TIAM1: variants seen among roughly 807,000 people sequenced by gnomAD.
TIAM1 encodes TIAM Rac1 associated GEF 1.
Under a neutral mutation model 163.5 loss-of-function variants are expected in TIAM1, and 65 were observed. The observed-to-expected ratio is 0.40, with a 90% CI of 0.33 to 0.49. The LOEUF is 0.49. Among genes scored for constraint, TIAM1 ranks in the 20% least tolerant of loss-of-function variants. TIAM1 has a pLI of 0.77. For missense variants in TIAM1, 1,789 were observed against 2,044.7 expected, an observed-to-expected ratio of 0.87 and a Z score of 2.41; for synonymous variants, 833 against 810.1, an observed-to-expected ratio of 1.03 and a Z score of -0.48.
intron 25 of TIAM1, 77 bp downstream of exon 25, chr21:31,130,136 A>T: frequency 1.7e-6 from 2 of 1,171,370 alleles, no homozygotes; most frequent in Non-Finnish European, 2.5e-6. Context: ...TTAGACCAAG[A>T]GTGTGGATTC....
At chr21:31,531,508 A>G (rs969673650) in intron 1 of TIAM1, among the ~76,000 whole-genome samples, 2 of 152,332 alleles carry the variant, frequency 1.3e-5, no homozygotes, top group South Asian at 2.1e-4. Context: ...GGCTAAACAC[A>G]TATTTCTCTT....
At chr21:31,153,946 C>A (rs890984450) in intron 17 of TIAM1, among the ~76,000 whole-genome samples, 4 of 151,956 alleles carry the variant, frequency 2.6e-5, no homozygotes, top group African/African-American at 9.7e-5. Flanking sequence ...CACCTGTGGT[C>A]CCAGCTACTC....
intron 2 of TIAM1, among the ~76,000 whole-genome samples, chr21:31,388,399 G>C (rs1486777808): frequency 6.6e-6 from 1 of 152,114 alleles, no homozygotes; most frequent in African/African-American, 2.4e-5. Context: ...CCAACACTTT[G>C]GGAGGCTGAG....
chr21:31,253,033 C>T (rs967022308), intron 4 of TIAM1, among the ~76,000 whole-genome samples: 1 of 152,258 alleles, frequency 6.6e-6, no homozygotes, highest in African/African-American at 2.4e-5. Context: ...TCCAAAGCTG[C>T]TTCTGCTCTG....
intron 12 of TIAM1, among the ~76,000 whole-genome samples, chr21:31,201,456 C>A (rs1255127177): frequency 1.3e-5 from 2 of 152,072 alleles, no homozygotes; most frequent in Non-Finnish European, 2.9e-5. Flanking sequence ...CCTTAAAAGC[C>A]CTTAAAGGGG....
At chr21:31,454,633 G>A (rs2045018543) in intron 2 of TIAM1, among the ~76,000 whole-genome samples, 1 of 152,170 alleles carries the variant, frequency 6.6e-6, no homozygotes, top group Admixed American at 6.5e-5. Context: ...CACGTGGGAG[G>A]AGGTAGAGCC....
At chr21:31,321,671 G>A (rs2075318948) in intron 2 of TIAM1, among the ~76,000 whole-genome samples, 1 of 151,254 alleles carries the variant, frequency 6.6e-6, no homozygotes, top group Non-Finnish European at 1.5e-5. Context: ...TTTAAAAATA[G>A]TTCAGGACAG....
At chr21:31,414,236 A>G (rs1555972661) in intron 2 of TIAM1, among the ~76,000 whole-genome samples, 1 of 152,174 alleles carries the variant, frequency 6.6e-6, no homozygotes, top group Non-Finnish European at 1.5e-5. Flanking sequence ...CCCATGTAAA[A>G]GTTCCCGTCC....
chr21:31,557,669 G>C (rs928994952), intron 1 of TIAM1, among the ~76,000 whole-genome samples: 1 of 152,210 alleles, frequency 6.6e-6, no homozygotes, highest in African/African-American at 2.4e-5. Flanking sequence ...CTCGGGATGC[G>C]GCACAGCTGC....
intron 1 of TIAM1, among the ~76,000 whole-genome samples, chr21:31,468,102 T>C (rs1019642930): frequency 1.6e-5 from 2 of 125,400 alleles, no homozygotes; most frequent in Non-Finnish European, 1.7e-5. Context: ...AAAAAAAAAG[T>C]AGAAATAAAT....
intron 2 of TIAM1, among the ~76,000 whole-genome samples, chr21:31,444,847 A>T (rs1020839042): frequency 1.3e-5 from 2 of 152,132 alleles, no homozygotes; most frequent in African/African-American, 2.4e-5. Context: ...AAAAATACAA[A>T]ATTAGCAATG....
chr21:31,211,589 C>G (rs1396210477), intron 10 of TIAM1, among the ~76,000 whole-genome samples: 2 of 152,124 alleles, frequency 1.3e-5, no homozygotes, highest in Admixed American at 6.5e-5. Flanking sequence ...ATGGGGGAAA[C>G]GTTTTCGTAA....
At chr21:31,437,572 G>T (rs1319372584) in intron 2 of TIAM1, among the ~76,000 whole-genome samples, 1 of 151,306 alleles carries the variant, frequency 6.6e-6, no homozygotes, top group Non-Finnish European at 1.5e-5. Context: ...CAAATCTCAT[G>T]TTGAATTATA....
chr21:31,141,126 T>C lies in TIAM1; in HGVS notation c.3766A>G (p.Lys1256Glu). ...AAGATGGGGACCCTCACCTCTTTTT[T>C]CTCACCAGTCTGTTCAGCAATCAGC... The part of the protein sequence containing the change: ...DQLIAEQTGE[K>E]KEVADLSMGD... The change falls in exon 22 of 28, where the codon AAA becomes GAA. Residue 1256 changes from lysine (K) to glutamate (E), a missense_variant. Lys to Glu is a moderately conservative substitution (Grantham distance 56). Coordinates refer to ENST00000541036, the MANE Select transcript of TIAM1 (RefSeq NM_001353694.2). This position sits in a 1 kb window ranked among gnomAD's most constrained non-coding sequence, Gnocchi z 4.7. 6.2e-7 allele frequency: 1 copy of C among 1,612,840 alleles called. No individual in the cohort carries two copies.
chr21:31,218,138 T>A (rs543625697), intron 8 of TIAM1, among the ~76,000 whole-genome samples: 1 of 152,324 alleles, frequency 6.6e-6, no homozygotes, highest in East Asian at 1.9e-4. Context: ...TTTTGGTTCC[T>A]GGGTTTCCAG....
chr21:31,314,732 A>C (rs191003626), intron 2 of TIAM1, among the ~76,000 whole-genome samples: 14 of 152,246 alleles, frequency 9.2e-5, no homozygotes, highest in Admixed American at 9.2e-4. Flanking sequence ...ACACGGAGCT[A>C]TTTGTATTTT....
intron 25 of TIAM1, 96 bp downstream of exon 25, chr21:31,130,117 G>T: frequency 6.4e-6 from 6 of 941,116 alleles, no homozygotes; most frequent in Non-Finnish European, 7.9e-6. Context: ...AAAAAAGACG[G>T]TAGAAGAGTT....
chr21:31,216,310 G>A (rs1317754127), intron 9 of TIAM1, among the ~76,000 whole-genome samples: 1 of 152,128 alleles, frequency 6.6e-6, no homozygotes, highest in Non-Finnish European at 1.5e-5. Context: ...GAGCAAACAA[G>A]GAGAGATCAT....
At chr21:31,246,749 T>C (rs1401241852) in intron 5 of TIAM1, among the ~76,000 whole-genome samples, 5 of 152,210 alleles carry the variant, frequency 3.3e-5, no homozygotes, top group Non-Finnish European at 5.9e-5. Flanking sequence ...ATATTTCACA[T>C]TACCACAGAA....
Sources: allele counts gnomAD v4.1 joint callset (sites outside exome capture counted in the v4.1 genomes callset), GRCh38; gene constraint gnomAD v4.1.1; non-coding constraint Gnocchi (gnomAD v3.1); transcripts MANE v1.5; gene names NCBI Gene and HGNC (gene_info 2026-07-23, HGNC 2026-07-21).